COA8: variants seen among roughly 807,000 people sequenced by gnomAD.
The protein encoded by COA8 is UPF0671 protein C14orf153.
COA8 carries 20 observed loss-of-function variants against 22.0 expected under a neutral mutation model. The observed-to-expected ratio is 0.91, with a 90% CI of 0.64 to 1.32. The LOEUF is 1.32. COA8 is among the 40% of genes most tolerant of loss of function. The pLI, the probability that COA8 is intolerant of heterozygous loss-of-function variation, is 0.00. For synonymous variants in COA8, 105 were observed against 79.9 expected (o/e 1.31, Z -1.68); for missense variants, 266 against 230.0 (o/e 1.16, Z -1.01).
chr14:103,563,377 C>T (rs1285966189), intron 1 of COA8: 2 of 670,180 alleles, frequency 3.0e-6, no homozygotes, highest in Admixed American at 2.1e-5. Context: ...ACAGAGTCAC[C>T]TGGCAAGTTT....
chr14:103,589,462 G>A (rs1193390800), intron 4 of COA8, among the ~76,000 whole-genome samples: 1 of 152,064 alleles, frequency 6.6e-6, no homozygotes, highest in Non-Finnish European at 1.5e-5. Context: ...GGTTTCCAAG[G>A]GCTCTCTTGG....
Position 103,581,785 on chromosome 14 carries a change from C to T in COA8, c.386-5489C>T. The T allele has an allele frequency of 2.5e-6, 1 of 394,196 alleles. No individual in the cohort carries two copies. The allele number at this position is 394,196 out of a possible 1,614,324, so 24.4% of individuals were successfully genotyped here. On this transcript the variant is annotated intron_variant, in intron 3 of 4. Transcript: ENST00000409074. This position sits in a 1 kb window ranked among gnomAD's most constrained non-coding sequence, Gnocchi z 4.1. The stretch of plus-strand genomic sequence containing the variant: ...GTTCTTCATTCCGGTGGCACTAGAC[C>T]TGCCCGGGCGGCCAGAGGACACGTG...
At chr14:103,573,061 A>G (rs1366208131) in intron 2 of COA8, among the ~76,000 whole-genome samples, 1 of 152,128 alleles carries the variant, frequency 6.6e-6, no homozygotes, top group Non-Finnish European at 1.5e-5. Context: ...GATTACAAGC[A>G]TAAGCCACCA....
chr14:103,564,683 G>A (rs1225198630), intron 1 of COA8, among the ~76,000 whole-genome samples: 1 of 145,610 alleles, frequency 6.9e-6, no homozygotes, highest in Admixed American at 7.1e-5. Context: ...GGGCTCAAGC[G>A]ATTCTCGTGC....
chr14:103,571,812 T>C lies in COA8; in HGVS notation c.313T>C (p.Phe105Leu). The C allele has an allele frequency of 6.2e-7, 1 of 1,613,608 alleles. No individual in the cohort carries two copies. The highest frequency in any genetic ancestry group is 8.5e-7 in the Non-Finnish European group (1 of 1,179,890). The change falls in exon 2 of 5, where the codon TTT becomes CTT. Residue 105 changes from phenylalanine to leucine, a missense_variant. Physicochemically the swap from Phe to Leu is conservative, Grantham distance 22. Transcript: ENST00000409074. Reference sequence around the variant, plus strand: ...GTTCTGGGCAAACCAGAATTTGACTTTTAGTAAGGTAAGTTTAAGTTTTAG... The same window carrying C: ...GTTCTGGGCAAACCAGAATTTGACTCTTAGTAAGGTAAGTTTAAGTTTTAG... ...QQFWANQNLT[F>L]SKEKEEFIHS...
At position 103,582,737 on chromosome 14, in the gene COA8, C is replaced by CT. The variant is rs61102383; in HGVS notation, c.386-4521dup. On this transcript the variant is annotated intron_variant, in intron 3 of 4. Coordinates refer to ENST00000409074, the MANE Select transcript of COA8 (RefSeq NM_001370595.2). ...TCACATACCATAAAATTCACCCTGC[C>CT]TTTTTTTTTTTTTTTTGAGATGGAG... Among the ~76,000 whole-genome samples the CT allele has an allele frequency of 4.0e-3, 485 of 120,910 alleles. 13 individuals carry two copies. Among genetic ancestry groups the CT allele is most frequent in the Admixed American group, 6.0e-3 (69 of 11,534 alleles). 79.3% of individuals were successfully genotyped at this position (120,910 alleles called of 152,430 possible). A position where few individuals can be genotyped will look rare whatever the true frequency, so the allele number is the denominator to read the frequency against.
At chr14:103,563,614 G>C (rs1366113634) in intron 1 of COA8, among the ~76,000 whole-genome samples, 1 of 152,200 alleles carries the variant, frequency 6.6e-6, no homozygotes, top group African/African-American at 2.4e-5. Flanking sequence ...ACTGGCCAAA[G>C]ATCCGCAAAG....
At chr14:103,574,594 A>G (rs1373306764) in intron 3 of COA8, 3 of 358,688 alleles carry the variant, frequency 8.4e-6, no homozygotes, top group African/African-American at 6.4e-5. Context: ...TCTGCTGCCA[A>G]AAAGTTGTTC....
At chr14:103,571,567 T>C (rs139072967) in intron 1 of COA8, 56 bp from the exon 2 acceptor site, 2 of 1,463,218 alleles carry the variant, frequency 1.4e-6, no homozygotes, top group African/African-American at 2.8e-5. Flanking sequence ...GATTGTACAT[T>C]TTATAATACT....
intron 1 of COA8, among the ~76,000 whole-genome samples, chr14:103,568,126 C>A (rs756237337): frequency 2.0e-5 from 3 of 152,194 alleles, no homozygotes; most frequent in African/African-American, 2.4e-5. Flanking sequence ...GAAGCAAGAA[C>A]GCTAAGAGCT....
chr14:103,577,321 T>G (rs1260225408), intron 3 of COA8, among the ~76,000 whole-genome samples: 1 of 151,972 alleles, frequency 6.6e-6, no homozygotes, highest in Non-Finnish European at 1.5e-5. Flanking sequence ...AGTGATCTTC[T>G]CATCTCAGTC....
At chr14:103,567,322 A>C (rs1395256575) in intron 1 of COA8, 1 of 150,766 alleles carries the variant, frequency 6.6e-6, no homozygotes, top group African/African-American at 2.4e-5. Flanking sequence ...GCAGTGAGCC[A>C]AGATCGCGCC....
rs372626805 is a variant in COA8 at position 103,563,076 on chromosome 14, A to C, written c.75A>C (p.Gln25His). The C allele has an allele frequency of 5.2e-6, 8 of 1,540,998 alleles. No individual in the cohort carries two copies. In the South Asian group the frequency reaches 7.1e-5, roughly 14 times the overall value. Residue 25 changes from glutamine (Q) to histidine (H), a missense_variant, in exon 1 of 5, where the codon CAA becomes CAC. Gln to His is a conservative substitution (Grantham distance 24, BLOSUM62 0). Transcript: ENST00000409074. Reference sequence around the variant, plus strand: ...GCGCCTTCGCCTGCCGCGGCTGTCAACTCGCTCCGGAGCGCGGCGCCGAGC... The same window carrying C: ...GCGCCTTCGCCTGCCGCGGCTGTCACCTCGCTCCGGAGCGCGGCGCCGAGC... ...LCRAFACRGC[Q>H]LAPERGAERR...
chr14:103,585,970 G>A (rs747470892), intron 3 of COA8, among the ~76,000 whole-genome samples: 9 of 151,172 alleles, frequency 6.0e-5, no homozygotes, highest in South Asian at 2.1e-4. Context: ...GCACGATCTC[G>A]GCTCATTGCA....
chr14:103,587,494 T>C (rs1388112675), intron 4 of COA8, 130 bp downstream of exon 4: 2 of 501,106 alleles, frequency 4.0e-6, no homozygotes, highest in African/African-American at 2.0e-5. Context: ...ATCAACTTTT[T>C]TTTTTCTTTT....
chr14:103,590,204 C>A lies in COA8; in HGVS notation c.500C>A (p.Ala167Asp). 1 of 1,614,100 alleles carries A rather than the reference C, an allele frequency of 6.2e-7. No individual in the cohort carries two copies. The highest frequency in any genetic ancestry group is 8.5e-7 in the Non-Finnish European group (1 of 1,179,982). The change falls in exon 5 of 5, where the codon GCC becomes GAC. Residue 167 changes from alanine to aspartate, a missense_variant. By Grantham distance (126) the Ala-to-Asp change is moderately radical. Transcript: ENST00000409074. ...YNRDWYKRNF[A>D]ITFFMGKVAL... The stretch of plus-strand genomic sequence containing the variant: ...AGAGATTGGTACAAGCGCAATTTTG[C>A]CATCACCTTCTTCATGGGAAAAGTG...
At chr14:103,564,452 G>A (rs1289074520) in intron 1 of COA8, among the ~76,000 whole-genome samples, 1 of 151,972 alleles carries the variant, frequency 6.6e-6, no homozygotes, top group African/African-American at 2.4e-5. Flanking sequence ...GAGAGCAAAC[G>A]GGAAATCAAC....
At chr14:103,585,470 A>C (rs1297068828) in intron 3 of COA8, among the ~76,000 whole-genome samples, 1 of 114,652 alleles carries the variant, frequency 8.7e-6, no homozygotes, top group Admixed American at 8.7e-5. Flanking sequence ...CAAAAGCGAA[A>C]CTCCGTCTCA....
chr14:103,568,955 G>A (rs12894729), intron 1 of COA8, among the ~76,000 whole-genome samples: 37,309 of 151,954 alleles, frequency 0.25, 5,092 homozygotes, highest in East Asian at 0.35. Flanking sequence ...CACAAGAACC[G>A]GAAGGTTAAC....
Sources: gnomAD v4.1 joint callset for allele counts (sites outside exome capture counted in the v4.1 genomes callset) on GRCh38, gnomAD v4.1.1 for gene constraint, Gnocchi (gnomAD v3.1) non-coding constraint, MANE v1.5 for transcripts, NCBI Gene and HGNC (gene_info 2026-07-23, HGNC 2026-07-21) for gene names.